MCTP1: variants seen among roughly 807,000 people sequenced by gnomAD.
MCTP1 encodes multiple C2 and transmembrane domain containing 1.
A neutral mutation model predicts 120.6 loss-of-function variants in MCTP1; 69 were observed. The observed-to-expected ratio is 0.57, with a 90% CI of 0.47 to 0.70. The LOEUF (loss-of-function observed/expected upper bound fraction) is 0.70, where lower values mean the gene tolerates loss of function less well. Among genes scored for constraint, MCTP1 ranks in the 30% least tolerant of loss-of-function variants. The pLI, the probability that MCTP1 is intolerant of heterozygous loss-of-function variation, is 0.00. For missense variants in MCTP1, 1,203 were observed against 1,248.8 expected, an observed-to-expected ratio of 0.96 and a Z score of 0.55; for synonymous variants, 529 against 493.1, an observed-to-expected ratio of 1.07 and a Z score of -0.96.
Position 95,199,936 on chromosome 5 carries a change from G to A in MCTP1, c.720+83920C>T, listed in dbSNP as rs189351626. ...AGCACTCTGGGAGGCCGAGGCAGGC[G>A]GATCACCTGAGGTTGGGATTTCAAG... is the stretch of plus-strand genomic sequence containing the variant. On this transcript the variant is annotated intron_variant, in intron 1 of 22. Transcript: ENST00000515393. Among the ~76,000 whole-genome samples the A allele has an allele frequency of 9.4e-4, 143 of 151,786 alleles. No individual in the cohort carries two copies. In the Middle Eastern group the frequency reaches 0.031, roughly 33 times the overall value.
chr5:95,114,932 A>T (rs1757708586), intron 1 of MCTP1, among the ~76,000 whole-genome samples: 1 of 152,198 alleles, frequency 6.6e-6, no homozygotes, highest in Non-Finnish European at 1.5e-5. Context: ...GATGGCCCAG[A>T]ACAGAGAAAC....
At chr5:95,234,667 C>A (rs1477743242) in intron 1 of MCTP1, among the ~76,000 whole-genome samples, 2 of 152,160 alleles carry the variant, frequency 1.3e-5, no homozygotes, top group African/African-American at 4.8e-5. Context: ...GACATTATTA[C>A]ACATTCTATA....
chr5:95,232,290 CATA>C (rs1755051764), intron 1 of MCTP1, among the ~76,000 whole-genome samples: 1 of 150,176 alleles, frequency 6.7e-6, no homozygotes, highest in African/African-American at 2.5e-5. Context: ...ACAGGACTAA[CATA>C]ATAAAACAAA....
At chr5:94,972,565 T>C (rs1327876315) in intron 2 of MCTP1, among the ~76,000 whole-genome samples, 1 of 152,128 alleles carries the variant, frequency 6.6e-6, no homozygotes, top group African/African-American at 2.4e-5. Context: ...AGACAAGAGA[T>C]GGAAACCACA....
At chr5:94,947,577 T>TATATAGAGAGAGAGAGAG in intron 3 of MCTP1, among the ~76,000 whole-genome samples, 42 of 47,392 alleles carry the variant, frequency 8.9e-4, no homozygotes, top group Non-Finnish European at 1.4e-3. Flanking sequence ...TATATATATA[T>TATATAGAGAGAGAGAGAG]AGAGAGAGAG....
chr5:94,987,237 T>C (rs1830584072), intron 2 of MCTP1, among the ~76,000 whole-genome samples: 2 of 152,192 alleles, frequency 1.3e-5, no homozygotes. Flanking sequence ...GTCTTCATAA[T>C]AATTTTATAC....
chr5:94,784,063 G>A (rs890658471), intron 18 of MCTP1, among the ~76,000 whole-genome samples: 2 of 152,080 alleles, frequency 1.3e-5, no homozygotes, highest in Non-Finnish European at 2.9e-5. Flanking sequence ...CTGCTGTCCA[G>A]ATGTGCAACC....
intron 18 of MCTP1, among the ~76,000 whole-genome samples, chr5:94,797,942 G>A (rs976214661): frequency 6.6e-6 from 1 of 151,978 alleles, no homozygotes; most frequent in Admixed American, 6.6e-5. Flanking sequence ...TTGAAGGTAT[G>A]TATGCAACCA....
chr5:94,921,612 A>G (rs1811684408), intron 7 of MCTP1, among the ~76,000 whole-genome samples: 1 of 152,244 alleles, frequency 6.6e-6, no homozygotes, highest in Non-Finnish European at 1.5e-5. Context: ...AAAGCTCATC[A>G]GAATAACAAT....
chr5:95,127,243 T>C (rs1034951664), intron 1 of MCTP1, among the ~76,000 whole-genome samples: 1 of 144,246 alleles, frequency 6.9e-6, no homozygotes, highest in Non-Finnish European at 1.5e-5. Flanking sequence ...AGCCATCAAA[T>C]GAAAAAAAAA....
chr5:94,929,505 A>G (rs1813996768), intron 6 of MCTP1: 1 of 364,930 alleles, frequency 2.7e-6, no homozygotes, highest in African/African-American at 2.2e-5. Context: ...TCCAAAAATA[A>G]AAAACGAAAA....
intron 22 of MCTP1, 108 bp from the exon 23 acceptor site, chr5:94,707,675 C>A (rs1306253694): frequency 1.3e-6 from 1 of 780,528 alleles, no homozygotes; most frequent in African/African-American, 1.7e-5. Context: ...AGTGCTCACT[C>A]TAGAAGCTGT....
intron 19 of MCTP1, among the ~76,000 whole-genome samples, chr5:94,717,040 G>A (rs1759648507): frequency 6.6e-6 from 1 of 152,018 alleles, no homozygotes; most frequent in African/African-American, 2.4e-5. Context: ...TTAACTATTT[G>A]GGGAAAGTTA....
intron 1 of MCTP1, among the ~76,000 whole-genome samples, chr5:95,024,648 TACAC>T (rs111890273): frequency 1.4e-4 from 21 of 146,364 alleles, no homozygotes; most frequent in South Asian, 8.8e-4. Flanking sequence ...GGCATTCAAA[TACAC>T]ACACACACAC....
chr5:94,886,870 T>C (rs1259450983), intron 12 of MCTP1, among the ~76,000 whole-genome samples: 2 of 152,274 alleles, frequency 1.3e-5, no homozygotes, highest in East Asian at 1.9e-4. Flanking sequence ...GATACATGTG[T>C]GCGTGTGTGT....
intron 1 of MCTP1, among the ~76,000 whole-genome samples, chr5:95,046,068 G>C (rs749652796): frequency 6.6e-6 from 1 of 152,132 alleles, no homozygotes; most frequent in Non-Finnish European, 1.5e-5. Context: ...AGAAATGTTA[G>C]CTAAGAGTGC....
At chr5:95,213,297 A>C (rs903081752) in intron 1 of MCTP1, among the ~76,000 whole-genome samples, 5 of 152,310 alleles carry the variant, frequency 3.3e-5, no homozygotes, top group South Asian at 2.1e-4. Flanking sequence ...CTAGGAATCC[A>C]ACTTACAAAG....
intron 19 of MCTP1, among the ~76,000 whole-genome samples, chr5:94,766,055 G>A (rs1410742006): frequency 6.6e-6 from 1 of 152,108 alleles, no homozygotes; most frequent in Non-Finnish European, 1.5e-5. Context: ...GACCAGCCCA[G>A]CCAACATGGC....
intron 2 of MCTP1, among the ~76,000 whole-genome samples, chr5:94,983,455 A>G (rs1438730336): frequency 6.6e-6 from 1 of 152,164 alleles, no homozygotes; most frequent in Non-Finnish European, 1.5e-5. Context: ...CTTTCTTATA[A>G]ATGGTATCAG....
Sources: gnomAD v4.1 joint callset for allele counts (sites outside exome capture counted in the v4.1 genomes callset) on GRCh38, gnomAD v4.1.1 for gene constraint, MANE v1.5 for transcripts, NCBI Gene and HGNC (gene_info 2026-07-23, HGNC 2026-07-21) for gene names.